The following LBP variants were observed in gnomAD, a reference collection of about 807,000 sequenced individuals.
The protein encoded by LBP is lipopolysaccharide binding protein.
LBP carries 53 observed loss-of-function variants against 56.6 expected under a neutral mutation model. The observed-to-expected ratio is 0.94, with a 90% CI of 0.75 to 1.18. The LOEUF is 1.18. LBP is among the 50% of genes most tolerant of loss of function. The pLI, the probability that LBP is intolerant of heterozygous loss-of-function variation, is 0.00. For missense variants in LBP, 601 were observed against 598.3 expected (o/e 1.00, Z -0.05); for synonymous variants, 227 against 247.5 (o/e 0.92, Z 0.78).
rs866413555 is a variant in LBP at position 38,376,652 on chromosome 20, C to A, written c.1429C>A (p.Gln477Lys). The change falls in exon 15 of 15, where the codon CAA becomes AAA. Residue 477 changes from glutamine (Q) to lysine (K), a missense_variant. Physicochemically the swap from Gln to Lys is moderately conservative, Grantham distance 53. Coordinates refer to ENST00000217407, the MANE Select transcript of LBP (RefSeq NM_004139.5). ...CTTCCTGTTCTTGGGTGCCAATGTC[C>A]AATACATGAGAGTTTGAGGACAAGA... ...KDFLFLGANV[Q>K]YMRV The A allele has an allele frequency of 1.9e-6, 3 of 1,613,930 alleles. No individual in the cohort carries two copies. The Admixed American group carries it at 5.0e-5, about 27-fold the overall frequency.
chr20:38,352,483 G>A (rs960451887), intron 3 of LBP, among the ~76,000 whole-genome samples: 6 of 152,206 alleles, frequency 3.9e-5, no homozygotes, highest in East Asian at 1.9e-4. Flanking sequence ...AGCTGAGCAC[G>A]GTGGCTCATG....
At chr20:38,352,282 G>T (rs950046002) in intron 3 of LBP, among the ~76,000 whole-genome samples, 1 of 152,130 alleles carries the variant, frequency 6.6e-6, no homozygotes, top group African/African-American at 2.4e-5. Context: ...ATAGCAGAAG[G>T]AACAGCCCAA....
At chr20:38,358,564 C>T (rs1235701583) in intron 5 of LBP, among the ~76,000 whole-genome samples, 1 of 152,204 alleles carries the variant, frequency 6.6e-6, no homozygotes, top group African/African-American at 2.4e-5. Context: ...TTCCTCACCA[C>T]ACTTGACCTT....
At chr20:38,350,064 A>G (rs1235110987) in intron 2 of LBP, among the ~76,000 whole-genome samples, 1 of 152,174 alleles carries the variant, frequency 6.6e-6, no homozygotes, top group Non-Finnish European at 1.5e-5. Flanking sequence ...GAGTCAGGGA[A>G]GGCTTCCAGG....
At position 38,349,464 on chromosome 20, in the gene LBP, G is replaced by A. The variant is rs2076812589; in HGVS notation, c.125-84G>A. 4 of 960,792 alleles carry A rather than the reference G, an allele frequency of 4.2e-6. No homozygotes were observed. The East Asian group carries it at 1.0e-4, about 25-fold the overall frequency. 59.5% of individuals were successfully genotyped at this position (960,792 alleles called of 1,614,324 possible). The stretch of plus-strand genomic sequence containing the variant: ...ATAAGGATGTTGGCCCCTCTCTTGA[G>A]GACAGGTGGGAGCCACCGTAGGGTT... On this transcript the variant is annotated intron_variant, in intron 1 of 14. Coordinates refer to ENST00000217407, the MANE Select transcript of LBP (RefSeq NM_004139.5).
Position 38,350,798 on chromosome 20 carries a change from T to G in LBP, c.240-13T>G, listed in dbSNP as rs1386923291. 1 of 1,596,792 alleles carries G rather than the reference T, an allele frequency of 6.3e-7. No homozygotes were observed. Among genetic ancestry groups the G allele is most frequent in the Non-Finnish European group, 8.6e-7 (1 of 1,167,644 alleles). On this transcript the variant is annotated splice_polypyrimidine_tract_variant and intron_variant, in intron 2 of 14. Coordinates refer to ENST00000217407, the MANE Select transcript of LBP (RefSeq NM_004139.5). The stretch of plus-strand genomic sequence containing the variant: ...CCCAGGGCTGACACCTCCTTCCATG[T>G]CTCTCCCTTCAGCCTGAACATCCAC...
chr20:38,375,072 C>T (rs2076913492), intron 14 of LBP, among the ~76,000 whole-genome samples: 1 of 150,888 alleles, frequency 6.6e-6, no homozygotes, highest in East Asian at 2.0e-4. Context: ...GCTGGGATTA[C>T]AGGCATGAGA....
chr20:38,360,568 AT>A (rs2076856228), intron 5 of LBP, 135 bp from the exon 6 acceptor site: 1 of 639,832 alleles, frequency 1.6e-6, no homozygotes, highest in Non-Finnish European at 2.8e-6. Flanking sequence ...TACCTGGCTC[AT>A]GACAAGCACT....
chr20:38,352,741 T>C (rs2076824851), intron 3 of LBP, among the ~76,000 whole-genome samples: 1 of 152,054 alleles, frequency 6.6e-6, no homozygotes, highest in Non-Finnish European at 1.5e-5. Context: ...GGCAAGAGAG[T>C]GAGACCCTAT....
At chr20:38,356,441 CA>C (rs1437513560) in intron 5 of LBP, among the ~76,000 whole-genome samples, 9,037 of 149,036 alleles carry the variant, frequency 0.061, 433 homozygotes, top group African/African-American at 0.086. Flanking sequence ...CACACACACA[CA>C]CACACACACA....
chr20:38,374,788 T>TC (rs1201008427), intron 14 of LBP, among the ~76,000 whole-genome samples: 1 of 146,798 alleles, frequency 6.8e-6, no homozygotes, highest in African/African-American at 2.5e-5. Context: ...TATATACTTT[T>TC]TTTTTTTTTT....
At chr20:38,374,989 G>A (rs2076913255) in intron 14 of LBP, among the ~76,000 whole-genome samples, 1 of 144,526 alleles carries the variant, frequency 6.9e-6, no homozygotes, top group South Asian at 2.2e-4. Flanking sequence ...TAGAGACAAG[G>A]TTTCACAATG....
chr20:38,370,930 A>G (rs2076898716), intron 11 of LBP, 125 bp downstream of exon 11: 4 of 803,628 alleles, frequency 5.0e-6, no homozygotes, highest in East Asian at 2.4e-5. Flanking sequence ...TTTCACCCCA[A>G]TTGGCCCAAT....
At chr20:38,375,212 T>C (rs1568837711) in intron 14 of LBP, among the ~76,000 whole-genome samples, 1 of 151,898 alleles carries the variant, frequency 6.6e-6, no homozygotes, top group Non-Finnish European at 1.5e-5. Context: ...TTTTTAAGTT[T>C]GTTTGTTTTG....
intron 7 of LBP, 34 bp from the exon 8 acceptor site, chr20:38,364,542 G>T (rs1479873058): frequency 6.2e-7 from 1 of 1,611,724 alleles, no homozygotes; most frequent in Non-Finnish European, 8.5e-7. Context: ...GATAGGCTTT[G>T]AAAAGTCCAA....
intron 5 of LBP, among the ~76,000 whole-genome samples, chr20:38,359,987 C>G (rs1397778941): frequency 6.6e-6 from 1 of 152,190 alleles, no homozygotes; most frequent in African/African-American, 2.4e-5. Context: ...TGTGGTGGCT[C>G]ACGTCTGTAA....
At chr20:38,371,080 A>C (rs1316225154) in intron 11 of LBP, among the ~76,000 whole-genome samples, 200 bp from the exon 12 acceptor site, 2 of 152,172 alleles carry the variant, frequency 1.3e-5, no homozygotes, top group Non-Finnish European at 2.9e-5. Context: ...TTTTGACACT[A>C]TCTCATCTGC....
intron 9 of LBP, 111 bp downstream of exon 9, chr20:38,366,939 A>T (rs1568834267): frequency 1.0e-6 from 1 of 977,618 alleles, no homozygotes; most frequent in African/African-American, 1.6e-5. Flanking sequence ...GAAGGCCGGG[A>T]TGAGACTCCC....
At chr20:38,357,632 T>C (rs1436481691) in intron 5 of LBP, among the ~76,000 whole-genome samples, 1 of 152,182 alleles carries the variant, frequency 6.6e-6, no homozygotes, top group Non-Finnish European at 1.5e-5. Context: ...GGTGAGTTCA[T>C]AAAGTGAAAG....
Sources: allele counts gnomAD v4.1 joint callset (sites outside exome capture counted in the v4.1 genomes callset), GRCh38; gene constraint gnomAD v4.1.1; transcripts MANE v1.5; gene names NCBI Gene and HGNC (gene_info 2026-07-23, HGNC 2026-07-21).